Variants in NRXN3 observed in about 807,000 individuals in gnomAD.
NRXN3 encodes neurexin 3.
Under a neutral mutation model 137.6 loss-of-function variants are expected in NRXN3, and 32 were observed. The ratio of observed to expected loss-of-function variants is 0.23; its 90% confidence interval spans 0.18 to 0.31. The LOEUF (loss-of-function observed/expected upper bound fraction) is 0.31, where lower values mean the gene tolerates loss of function less well. NRXN3 is among the 10% of genes least tolerant of loss of function. The pLI is 1.00. For synonymous variants in NRXN3, 798 were observed against 784.5 expected (o/e 1.02, Z -0.29); for missense variants, 1,574 against 2,062.5 (o/e 0.76, Z 4.59).
chr14:78,403,673 A>G lies in NRXN3; in HGVS notation c.757+105813A>G, dbSNP rs778431496. On this transcript the variant is annotated intron_variant, in intron 4 of 20. Transcript: ENST00000335750. ...GAGAGTTGCAAAATCACGAACACCG[A>G]GGGCGGTGTTAGGAAGGCAGCTTCC... The G allele has an allele frequency of 3.6e-5, 35 of 972,058 alleles. No individual in the cohort carries two copies. The Admixed American group carries it at 6.8e-4, about 19-fold the overall frequency. 60.2% of individuals were successfully genotyped at this position (972,058 alleles called of 1,614,324 possible). A position where few individuals can be genotyped will look rare whatever the true frequency, so the allele number is the denominator to read the frequency against.
intron 10 of NRXN3, among the ~76,000 whole-genome samples, chr14:78,939,981 A>G (rs1436080014): frequency 6.6e-6 from 1 of 152,206 alleles, no homozygotes; most frequent in Non-Finnish European, 1.5e-5. Context: ...AATGCAGCAA[A>G]CACACGTTGC....
At chr14:78,564,510 C>T (rs926619074) in intron 4 of NRXN3, among the ~76,000 whole-genome samples, 1 of 152,302 alleles carries the variant, frequency 6.6e-6, no homozygotes, top group East Asian at 1.9e-4. Context: ...TACCAGGCAC[C>T]ACTGCTTACT....
At chr14:78,829,054 A>C (rs1401641588) in intron 10 of NRXN3, among the ~76,000 whole-genome samples, 1 of 152,042 alleles carries the variant, frequency 6.6e-6, no homozygotes. Context: ...GACATTGACA[A>C]AGGTGAAGGG....
At chr14:79,541,538 C>T (rs995525211) in intron 16 of NRXN3, among the ~76,000 whole-genome samples, 2 of 152,090 alleles carry the variant, frequency 1.3e-5, no homozygotes, top group Admixed American at 1.3e-4. Context: ...CATTCCATAT[C>T]TTTTGGGGAG....
chr14:79,475,727 A>G (rs1236986469), intron 16 of NRXN3, among the ~76,000 whole-genome samples: 1 of 152,108 alleles, frequency 6.6e-6, no homozygotes, highest in Non-Finnish European at 1.5e-5. Context: ...ACTCATTTTA[A>G]CTCAAAAACT....
intron 19 of NRXN3, among the ~76,000 whole-genome samples, chr14:79,749,358 A>G (rs903463133): frequency 1.3e-5 from 2 of 152,016 alleles, no homozygotes; most frequent in Non-Finnish European, 2.9e-5. Flanking sequence ...AGATAAATTC[A>G]TGTCAAACAG....
intron 10 of NRXN3, among the ~76,000 whole-genome samples, chr14:78,936,780 A>G (rs762890522): frequency 1.3e-5 from 2 of 152,204 alleles, no homozygotes; most frequent in Non-Finnish European, 2.9e-5. Flanking sequence ...TTGTGTCTTG[A>G]TAGAGAGACC....
chr14:79,486,786 GT>G (rs1567258110), intron 16 of NRXN3, among the ~76,000 whole-genome samples: 2 of 152,170 alleles, frequency 1.3e-5, no homozygotes, highest in African/African-American at 4.8e-5. Flanking sequence ...GGGGACTGAG[GT>G]CCTGAATGAA....
At chr14:78,563,494 C>T (rs1192682409) in intron 4 of NRXN3, among the ~76,000 whole-genome samples, 1 of 152,160 alleles carries the variant, frequency 6.6e-6, no homozygotes. Context: ...TAGCTCTTAC[C>T]TAGATCCATC....
At chr14:78,980,574 C>T (rs1209902924) in intron 14 of NRXN3, among the ~76,000 whole-genome samples, 1 of 152,072 alleles carries the variant, frequency 6.6e-6, no homozygotes, top group Non-Finnish European at 1.5e-5. Context: ...TGTACACGTG[C>T]TGTAAGGGTG....
At chr14:79,167,161 C>T (rs1013653006) in intron 15 of NRXN3, among the ~76,000 whole-genome samples, 2 of 152,004 alleles carry the variant, frequency 1.3e-5, no homozygotes, top group African/African-American at 2.4e-5. Context: ...ATGAATGTTA[C>T]AGTGATGGTG....
intron 15 of NRXN3, among the ~76,000 whole-genome samples, chr14:79,251,906 T>A (rs1159757991): frequency 6.6e-6 from 1 of 151,770 alleles, no homozygotes; most frequent in Non-Finnish European, 1.5e-5. Context: ...GCAGCCTTGA[T>A]CTCCTGAGCT....
At chr14:79,361,035 A>C (rs2093663265) in intron 15 of NRXN3, among the ~76,000 whole-genome samples, 1 of 152,228 alleles carries the variant, frequency 6.6e-6, no homozygotes, top group African/African-American at 2.4e-5. Context: ...TGTGTATGTG[A>C]TTAAAGCTGT....
At chr14:79,258,998 G>A (rs2077156783) in intron 15 of NRXN3, among the ~76,000 whole-genome samples, 1 of 152,190 alleles carries the variant, frequency 6.6e-6, no homozygotes. Context: ...AACAGACTTT[G>A]AGAGACAGTG....
Position 78,243,865 on chromosome 14 carries a change from G to A in NRXN3, c.709+63G>A. The A allele has an allele frequency of 2.4e-6, 3 of 1,258,538 alleles. No individual in the cohort carries two copies. The highest frequency in any genetic ancestry group is 3.3e-6 in the Non-Finnish European group (3 of 908,470). The allele number at this position is 1,258,538 out of a possible 1,614,324, so 78.0% of individuals were successfully genotyped here. On this transcript the variant is annotated intron_variant, in intron 2 of 20. Coordinates refer to ENST00000335750, the MANE Select transcript of NRXN3 (RefSeq NM_001330195.2). This position sits in a 1 kb window ranked among gnomAD's most constrained non-coding sequence, Gnocchi z 4.2. ...CGGGATGGCTGAGGCTGGGGCTCCT[G>A]ATACAAACCAGTTCTATATGGATGC...
intron 19 of NRXN3, among the ~76,000 whole-genome samples, chr14:79,753,582 A>G (rs1335419150): frequency 2.0e-4 from 14 of 71,092 alleles, no homozygotes; most frequent in East Asian, 5.6e-4. Context: ...GGGTGGGGGG[A>G]GGGGGGAGGG....
chr14:79,452,123 A>G (rs1296379321), intron 15 of NRXN3, among the ~76,000 whole-genome samples: 1 of 152,130 alleles, frequency 6.6e-6, no homozygotes, highest in Admixed American at 6.5e-5. Flanking sequence ...CCATCATTAA[A>G]AAAAAATAGC....
At chr14:78,682,814 C>A (rs979266847) in intron 6 of NRXN3, among the ~76,000 whole-genome samples, 2 of 152,164 alleles carry the variant, frequency 1.3e-5, no homozygotes, top group Non-Finnish European at 2.9e-5. Context: ...GGATTAAAAT[C>A]CACATTCTCA....
chr14:78,191,156 C>A (rs551553746), intron 1 of NRXN3, among the ~76,000 whole-genome samples: 1 of 152,238 alleles, frequency 6.6e-6, no homozygotes, highest in African/African-American at 2.4e-5. Context: ...TCATTACAAG[C>A]AAATTCACAA....
Sources: allele counts gnomAD v4.1 joint callset (sites outside exome capture counted in the v4.1 genomes callset), GRCh38; gene constraint gnomAD v4.1.1; non-coding constraint Gnocchi (gnomAD v3.1); transcripts MANE v1.5; gene names NCBI Gene and HGNC (gene_info 2026-07-23, HGNC 2026-07-21).